ACACA: variants seen among roughly 807,000 people sequenced by gnomAD.
The protein encoded by ACACA is acetyl-CoA carboxylase 1.
In ACACA, 103 loss-of-function variants were observed where a neutral mutation model predicts 296.1. That is an observed-to-expected ratio of 0.35 (90% confidence interval 0.30 to 0.41). The LOEUF (loss-of-function observed/expected upper bound fraction) is 0.41, where lower values mean the gene tolerates loss of function less well. ACACA is among the 10% of genes least tolerant of loss of function. The probability of loss-of-function intolerance (pLI) is 1.00; values close to 1 mark genes in which losing one functional copy is unlikely to be tolerated. For synonymous variants in ACACA, 953 were observed against 1,038.6 expected (o/e 0.92, Z 1.58); for missense variants, 1,554 against 2,989.7 (o/e 0.52, Z 11.20).
intron 40 of ACACA, among the ~76,000 whole-genome samples, chr17:37,180,594 CA>C (rs1406965575): frequency 6.6e-5 from 10 of 152,140 alleles, no homozygotes; most frequent in African/African-American, 2.4e-4. Context: ...GAAAAATCTG[CA>C]GCATAGAGAT....
intron 3 of ACACA, among the ~76,000 whole-genome samples, chr17:37,310,756 T>C (rs1310823772): frequency 7.4e-6 from 1 of 135,878 alleles, no homozygotes; most frequent in Non-Finnish European, 1.5e-5. Context: ...ATTGCAACAT[T>C]GCACTCTACC....
chr17:37,258,445 C>T, intron 12 of ACACA, 72 bp from the exon 13 acceptor site: 1 of 1,465,862 alleles, frequency 6.8e-7, no homozygotes, highest in South Asian at 1.2e-5. Context: ...TATCAGATAA[C>T]CTAAAATATT....
intron 3 of ACACA, among the ~76,000 whole-genome samples, chr17:37,295,887 T>C (rs2083303211): frequency 6.6e-6 from 1 of 151,850 alleles, no homozygotes; most frequent in African/African-American, 2.4e-5. Flanking sequence ...ATCGCACCAC[T>C]GCACTCCAGC....
chr17:37,248,565 G>A, intron 17 of ACACA, 28 bp downstream of exon 17: 2 of 1,527,436 alleles, frequency 1.3e-6, no homozygotes, highest in Non-Finnish European at 1.8e-6. Flanking sequence ...AAAAAGTAAG[G>A]TGCAAGCTCC....
chr17:37,095,951 G>A (rs2072961537), intron 54 of ACACA, among the ~76,000 whole-genome samples: 1 of 152,116 alleles, frequency 6.6e-6, no homozygotes. Context: ...GAGCACCAAG[G>A]ACACCATCTC....
chr17:37,181,769 G>T (rs1001705132), intron 39 of ACACA, among the ~76,000 whole-genome samples: 3 of 151,510 alleles, frequency 2.0e-5, no homozygotes, highest in Non-Finnish European at 4.4e-5. Context: ...GCGTGGTGGT[G>T]GGCGCCTGTA....
intron 1 of ACACA, chr17:37,379,146 C>T: frequency 1.9e-6 from 3 of 1,612,728 alleles, no homozygotes; most frequent in Non-Finnish European, 2.5e-6. Flanking sequence ...GAAACTCACA[C>T]AGAAACCAAA....
At chr17:37,206,988 T>C (rs868328556) in intron 31 of ACACA, 109 bp from the exon 32 acceptor site, 3 of 1,034,972 alleles carry the variant, frequency 2.9e-6, no homozygotes, top group Non-Finnish European at 4.4e-6. Context: ...CTGGGCTCAA[T>C]AGTTAATTGA....
Position 37,248,677 on chromosome 17 carries a change from G to GA in ACACA, c.2082-4dup. On this transcript the variant is annotated splice_polypyrimidine_tract_variant and splice_region_variant and intron_variant, in intron 16 of 55. Coordinates refer to ENST00000616317, the MANE Select transcript of ACACA (RefSeq NM_198834.3). ...TATGAGCAGGAAGGACTTGACCCCT[G>GA]AAAGAACGATGAGAGAGGAACTTAC... 1 of 1,602,226 alleles carries GA rather than the reference G, an allele frequency of 6.2e-7. No homozygotes were observed. Among genetic ancestry groups the GA allele is most frequent in the East Asian group, 2.2e-5 (1 of 44,644 alleles).
intron 1 of ACACA, among the ~76,000 whole-genome samples, chr17:37,394,359 C>T (rs528692402): frequency 6.6e-6 from 1 of 151,766 alleles, no homozygotes; most frequent in Non-Finnish European, 1.5e-5. Flanking sequence ...TACAGGCATG[C>T]GCCACCACAC....
At chr17:37,247,221 C>T (rs1187358828) in intron 18 of ACACA, among the ~76,000 whole-genome samples, 2 of 151,984 alleles carry the variant, frequency 1.3e-5, no homozygotes, top group African/African-American at 4.8e-5. Context: ...ACAGGTACCA[C>T]CATTTAAAAA....
chr17:37,097,989 A>G lies in ACACA; in HGVS notation c.6566-5T>C. ...CTGTGCTTAGCTCTGGGGTCCCTGC[A>G]ATTAGATAAACATGCCCGTCACACT... On this transcript the variant is annotated splice_region_variant and splice_polypyrimidine_tract_variant and intron_variant, in intron 52 of 55. Coordinates refer to ENST00000616317, the MANE Select transcript of ACACA (RefSeq NM_198834.3). The surrounding 1 kb of genome is among the most constrained non-coding windows in gnomAD (Gnocchi z 4.8). 6.2e-7 allele frequency: 1 copy of G among 1,614,170 alleles called. No homozygotes were observed.
intron 52 of ACACA, among the ~76,000 whole-genome samples, chr17:37,110,403 A>G (rs2073917062): frequency 6.6e-6 from 1 of 152,236 alleles, no homozygotes; most frequent in African/African-American, 2.4e-5. Context: ...TCTGGGTGGC[A>G]ATAGATTTTA....
At chr17:37,154,396 A>G (rs987299157) in intron 43 of ACACA, among the ~76,000 whole-genome samples, 1 of 152,250 alleles carries the variant, frequency 6.6e-6, no homozygotes, top group Non-Finnish European at 1.5e-5. Context: ...TTGCCTCACT[A>G]GAATAGTTTA....
chr17:37,142,491 A>G (rs1357534889), intron 45 of ACACA, among the ~76,000 whole-genome samples: 1 of 152,262 alleles, frequency 6.6e-6, no homozygotes, highest in East Asian at 1.9e-4. Context: ...ATTGTGCAAT[A>G]ATTTCTGAGA....
chr17:37,089,774 G>A (rs937337590), intron 54 of ACACA, among the ~76,000 whole-genome samples: 1 of 152,194 alleles, frequency 6.6e-6, no homozygotes, highest in Admixed American at 6.5e-5. Flanking sequence ...ATTTAGCTGA[G>A]TATTTCCTAG....
At chr17:37,282,973 T>C (rs563069369) in intron 5 of ACACA, among the ~76,000 whole-genome samples, 3 of 152,302 alleles carry the variant, frequency 2.0e-5, no homozygotes, top group Admixed American at 1.3e-4. Context: ...GAATGTGGCA[T>C]AGCAAATATT....
chr17:37,396,076 A>C (rs1221278982), intron 1 of ACACA, among the ~76,000 whole-genome samples: 1 of 152,030 alleles, frequency 6.6e-6, no homozygotes, highest in Non-Finnish European at 1.5e-5. Context: ...ATGGTAGCTC[A>C]CGCCTGTAAT....
rs1290397903 is a variant in ACACA at position 37,283,295 on chromosome 17, G to A, written c.582C>T (p.Val194=). 1 of 1,614,114 alleles carries A rather than the reference G, an allele frequency of 6.2e-7. No homozygotes were observed. Among genetic ancestry groups the A allele is most frequent in the East Asian group, 2.2e-5 (1 of 44,882 alleles). The change falls in exon 5 of 56, where the codon GTC becomes GTT. Residue 194 remains valine (V), a synonymous_variant. Coordinates refer to ENST00000616317, the MANE Select transcript of ACACA (RefSeq NM_198834.3). ...CATTGGCTTTAAGGTCTTCAGGTGTGACCATGACAACGAATCTAATTGCAC... is the reference window on the plus strand; with the variant it reads ...CATTGGCTTTAAGGTCTTCAGGTGTAACCATGACAACGAATCTAATTGCAC... The part of the protein sequence containing the change: ...NERAIRFVVM[V]TPEDLKANAE...
Sources: gnomAD v4.1 joint callset for allele counts (sites outside exome capture counted in the v4.1 genomes callset) on GRCh38, gnomAD v4.1.1 for gene constraint, Gnocchi (gnomAD v3.1) non-coding constraint, MANE v1.5 for transcripts, NCBI Gene and HGNC (gene_info 2026-07-23, HGNC 2026-07-21) for gene names.